The following CADPS2 variants were observed in gnomAD, a reference collection of about 807,000 sequenced individuals.
The protein encoded by CADPS2 is calcium-dependent secretion activator 2.
A neutral mutation model predicts 172.5 loss-of-function variants in CADPS2; 93 were observed. The ratio of observed to expected loss-of-function variants is 0.54; its 90% confidence interval spans 0.46 to 0.64. CADPS2 has a LOEUF of 0.64. CADPS2 is among the 30% of genes least tolerant of loss of function. CADPS2 has a pLI of 0.00. For synonymous variants in CADPS2, 546 were observed against 555.2 expected (o/e 0.98, Z 0.23); for missense variants, 1,420 against 1,565.9 (o/e 0.91, Z 1.57).
intron 1 of CADPS2, among the ~76,000 whole-genome samples, chr7:122,813,732 G>A (rs952355831): frequency 6.6e-6 from 1 of 151,900 alleles, no homozygotes; most frequent in African/African-American, 2.4e-5. Flanking sequence ...GGCTTTATAT[G>A]GTAACATCAT....
chr7:122,795,850 T>C (rs1796264355), intron 1 of CADPS2, among the ~76,000 whole-genome samples: 1 of 152,078 alleles, frequency 6.6e-6, no homozygotes, highest in South Asian at 2.1e-4. Context: ...GTATGGGAAG[T>C]CCTGGCCAGG....
intron 3 of CADPS2, among the ~76,000 whole-genome samples, chr7:122,658,870 A>C (rs941497898): frequency 1.3e-5 from 2 of 152,124 alleles, no homozygotes; most frequent in Non-Finnish European, 2.9e-5. Flanking sequence ...GTACCCTAGA[A>C]CTTAAAGTAT....
chr7:122,468,561 ATATAT>A (rs978378567), intron 14 of CADPS2, among the ~76,000 whole-genome samples: 1 of 152,208 alleles, frequency 6.6e-6, no homozygotes, highest in African/African-American at 2.4e-5. Context: ...GCAAAGAAAA[ATATAT>A]TAGAATAGTA....
At chr7:122,384,255 G>A (rs1025574427) in intron 24 of CADPS2, among the ~76,000 whole-genome samples, 2 of 152,120 alleles carry the variant, frequency 1.3e-5, no homozygotes, top group Admixed American at 6.6e-5. Flanking sequence ...AAGCACAGAA[G>A]GGAATGCATT....
At chr7:122,592,988 G>GAATAAATAAATAAATAAATA (rs141800604) in intron 6 of CADPS2, among the ~76,000 whole-genome samples, 2 of 148,144 alleles carry the variant, frequency 1.4e-5, no homozygotes, top group African/African-American at 2.5e-5. Context: ...GAAGTAAAAT[G>GAATAAATAAATAAATAAATA]AATAAATAAA....
chr7:122,669,014 C>T (rs2081483032), intron 2 of CADPS2, among the ~76,000 whole-genome samples: 1 of 152,138 alleles, frequency 6.6e-6, no homozygotes, highest in Non-Finnish European at 1.5e-5. Flanking sequence ...TAACACAGAG[C>T]CTGTCCTTTA....
rs187649695 is a variant in CADPS2, at chr7:122,633,721, T to C, written c.787-4393A>G. On this transcript the variant is annotated intron_variant, in intron 3 of 29. Transcript: ENST00000449022. Reference sequence around the variant, plus strand: ...TGCCTGATTTCTCTGGCTGGGCTTCTAGTACTACGTTGAACAGGAGTGGTG... The same window carrying C: ...TGCCTGATTTCTCTGGCTGGGCTTCCAGTACTACGTTGAACAGGAGTGGTG... 3.3e-5 allele frequency among the ~76,000 whole-genome samples: 5 copies of C among 152,284 alleles called. No homozygotes were observed. The East Asian group carries it at 7.7e-4, about 23-fold the overall frequency.
intron 29 of CADPS2, among the ~76,000 whole-genome samples, chr7:122,324,755 T>G (rs1254273792): frequency 6.6e-6 from 1 of 152,152 alleles, no homozygotes; most frequent in East Asian, 1.9e-4. Context: ...AAGGTGAAAT[T>G]TCTGTCCCAA....
At chr7:122,320,434 ATCC>A (rs2032177087) in intron 29 of CADPS2, 96 bp from the exon 30 acceptor site, 1 of 912,602 alleles carries the variant, frequency 1.1e-6, no homozygotes, top group East Asian at 2.8e-5. Context: ...ATCTTGGGGA[ATCC>A]ACTGATAGGT....
chr7:122,534,674 G>C (rs1206494011), intron 8 of CADPS2, among the ~76,000 whole-genome samples: 1 of 151,952 alleles, frequency 6.6e-6, no homozygotes, highest in Non-Finnish European at 1.5e-5. Context: ...TAATTGATTT[G>C]ATGGCAGATT....
chr7:122,784,898 CTTTCCTA>C (rs1793653998), intron 1 of CADPS2, among the ~76,000 whole-genome samples: 1 of 152,024 alleles, frequency 6.6e-6, no homozygotes, highest in Non-Finnish European at 1.5e-5. Flanking sequence ...TAATTATTAC[CTTTCCTA>C]TTTCCTATTT....
chr7:122,639,595 A>T (rs895260577), intron 3 of CADPS2, among the ~76,000 whole-genome samples: 1 of 152,074 alleles, frequency 6.6e-6, no homozygotes, highest in South Asian at 2.1e-4. Context: ...CCATAAAGAC[A>T]CTCCATAGCT....
Position 122,570,476 on chromosome 7 carries a change from G to C in CADPS2, c.1335+10703C>G, listed in dbSNP as rs556279878. ...CAACCATTGTGGAAGTCAGTGTGGC[G>C]ATTCCTCAGGGATCTAGAACTAGAA... On this transcript the variant is annotated intron_variant, in intron 7 of 29. Transcript: ENST00000449022. Among the ~76,000 whole-genome samples, 528 of 147,198 alleles carry C rather than the reference G, an allele frequency of 3.6e-3. 7 individuals are homozygous for C. The highest frequency in any genetic ancestry group is 0.011 in the African/African-American group (447 of 38,952).
chr7:122,726,022 T>C (rs1588783414), intron 2 of CADPS2, among the ~76,000 whole-genome samples: 1 of 151,948 alleles, frequency 6.6e-6, no homozygotes, highest in Non-Finnish European at 1.5e-5. Context: ...TTTCAAATAG[T>C]GTTTATTCAA....
chr7:122,489,264 A>G (rs563213218), intron 11 of CADPS2, among the ~76,000 whole-genome samples: 1 of 152,324 alleles, frequency 6.6e-6, no homozygotes, highest in Non-Finnish European at 1.5e-5. Flanking sequence ...CTAAAAAGAG[A>G]AGAGAATAGT....
At chr7:122,386,978 G>A (rs775608238) in intron 24 of CADPS2, 48 bp downstream of exon 24, 1 of 1,536,790 alleles carries the variant, frequency 6.5e-7, no homozygotes, top group South Asian at 1.2e-5. Flanking sequence ...CATTTCCCAT[G>A]CCAAGGCACC....
intron 1 of CADPS2, among the ~76,000 whole-genome samples, chr7:122,879,141 G>A (rs1261607321): frequency 2.6e-5 from 4 of 151,414 alleles, no homozygotes; most frequent in Admixed American, 2.0e-4. Context: ...AGAGGCCGAG[G>A]CACAAGAATC....
At chr7:122,329,084 C>T (rs932977083) in intron 28 of CADPS2, among the ~76,000 whole-genome samples, 1 of 152,182 alleles carries the variant, frequency 6.6e-6, no homozygotes, top group African/African-American at 2.4e-5. Context: ...ACAGCTCCCT[C>T]AGTGCCAGGA....
chr7:122,591,968 A>C (rs1223486369), intron 6 of CADPS2, among the ~76,000 whole-genome samples: 4 of 151,866 alleles, frequency 2.6e-5, no homozygotes, highest in Non-Finnish European at 5.9e-5. Flanking sequence ...AATGGCAACA[A>C]AAGACAAAAT....
Sources: allele counts gnomAD v4.1 joint callset (sites outside exome capture counted in the v4.1 genomes callset), GRCh38; gene constraint gnomAD v4.1.1; transcripts MANE v1.5; gene names NCBI Gene and HGNC (gene_info 2026-07-23, HGNC 2026-07-21).